NELL2: variants seen among roughly 807,000 people sequenced by gnomAD.
The protein encoded by NELL2 is protein kinase C-binding protein NELL2.
Under a neutral mutation model 109.6 loss-of-function variants are expected in NELL2, and 41 were observed. The ratio of observed to expected loss-of-function variants is 0.37; its 90% confidence interval spans 0.29 to 0.49. The LOEUF is 0.49. NELL2 is among the 20% of genes least tolerant of loss of function. The pLI, the probability that NELL2 is intolerant of heterozygous loss-of-function variation, is 0.98. For synonymous variants in NELL2, 355 were observed against 344.7 expected (o/e 1.03, Z -0.33); for missense variants, 900 against 1,008.3 (o/e 0.89, Z 1.45).
intron 15 of NELL2, among the ~76,000 whole-genome samples, chr12:44,577,481 T>G (rs1024561753): frequency 6.0e-5 from 8 of 133,898 alleles, no homozygotes; most frequent in Admixed American, 2.9e-4. Flanking sequence ...TTTTTTTTTT[T>G]TTTTTTTTTT....
chr12:44,709,792 T>G (rs1938095897), intron 11 of NELL2, among the ~76,000 whole-genome samples: 1 of 152,166 alleles, frequency 6.6e-6, no homozygotes, highest in Non-Finnish European at 1.5e-5. Flanking sequence ...TAAGAAACAC[T>G]GATATGGCCT....
chr12:44,599,964 T>G (rs1242199758), intron 15 of NELL2, among the ~76,000 whole-genome samples: 1 of 144,178 alleles, frequency 6.9e-6, no homozygotes, highest in African/African-American at 2.6e-5. Flanking sequence ...AATTCCGTTT[T>G]TTTTTTTTTT....
chr12:44,798,864 A>G (rs1022297968), intron 3 of NELL2, among the ~76,000 whole-genome samples: 1 of 151,932 alleles, frequency 6.6e-6, no homozygotes, highest in Non-Finnish European at 1.5e-5. Context: ...ATGCATAGAG[A>G]AAAAAACAGC....
At chr12:44,657,668 C>A (rs1189717521) in intron 13 of NELL2, among the ~76,000 whole-genome samples, 1 of 152,096 alleles carries the variant, frequency 6.6e-6, no homozygotes, top group Non-Finnish European at 1.5e-5. Context: ...TGTGATGTTC[C>A]CCTCCCTGTG....
chr12:44,876,608 C>G (rs1478229528), upstream of NELL2: 2 of 1,550,046 alleles, frequency 1.3e-6, no homozygotes, highest in Admixed American at 2.0e-5. Flanking sequence ...TGCTCTCACC[C>G]CTCGATTTCG....
At chr12:44,832,248 T>G (rs1348192413) in intron 2 of NELL2, among the ~76,000 whole-genome samples, 2 of 152,156 alleles carry the variant, frequency 1.3e-5, no homozygotes, top group African/African-American at 2.4e-5. Context: ...TTCCCAAAGA[T>G]AAAAAGAAAT....
chr12:44,803,809 A>G (rs1187085155), intron 3 of NELL2, among the ~76,000 whole-genome samples: 1 of 151,998 alleles, frequency 6.6e-6, no homozygotes, highest in African/African-American at 2.4e-5. Context: ...TAACAAATAT[A>G]TTTCCAAAAT....
At chr12:44,545,448 CTG>C (rs2136155614) in intron 15 of NELL2, among the ~76,000 whole-genome samples, 1 of 152,024 alleles carries the variant, frequency 6.6e-6, no homozygotes, top group South Asian at 2.1e-4. Flanking sequence ...GTGCTAGACA[CTG>C]TGGAAATATA....
chr12:44,604,828 C>A (rs1945339187), intron 15 of NELL2, among the ~76,000 whole-genome samples: 1 of 152,200 alleles, frequency 6.6e-6, no homozygotes, highest in South Asian at 2.1e-4. Context: ...CTCTGTTATT[C>A]TGTGGATACT....
rs141580139 is a variant in NELL2 at position 44,562,011 on chromosome 12, C to T, written c.1664-29290G>A. On this transcript the variant is annotated intron_variant, in intron 15 of 19. Transcript: ENST00000429094. Reference sequence around the variant, plus strand: ...AACAGAACAGAGGCCTCAGAAATAACGTCACATATCTGTCAACATTCATTG... The same window carrying T: ...AACAGAACAGAGGCCTCAGAAATAATGTCACATATCTGTCAACATTCATTG... Among the ~76,000 whole-genome samples, 1,182 of 152,094 alleles carry T rather than the reference C, an allele frequency of 7.8e-3. 27 individuals carry two copies. Among genetic ancestry groups the T allele is most frequent in the Admixed American group, 0.057 (870 of 15,254 alleles).
chr12:44,866,680 A>T (rs1310988716), intron 2 of NELL2, among the ~76,000 whole-genome samples: 1 of 152,138 alleles, frequency 6.6e-6, no homozygotes, highest in Non-Finnish European at 1.5e-5. Flanking sequence ...AAATAAATGA[A>T]ACAGAGAGTT....
At chr12:44,867,294 G>GATTT (rs1295439777) in intron 2 of NELL2, among the ~76,000 whole-genome samples, 2 of 152,130 alleles carry the variant, frequency 1.3e-5, no homozygotes, top group Admixed American at 6.5e-5. Flanking sequence ...GATCAAGTAG[G>GATTT]ATTTATCCCA....
chr12:44,831,573 C>A (rs1429686663), intron 2 of NELL2, among the ~76,000 whole-genome samples: 1 of 152,166 alleles, frequency 6.6e-6, no homozygotes, highest in East Asian at 1.9e-4. Context: ...TCAGGGCACA[C>A]ATGGTTTCCC....
intron 15 of NELL2, among the ~76,000 whole-genome samples, chr12:44,576,751 T>C (rs1242075616): frequency 1.3e-5 from 2 of 152,128 alleles, no homozygotes. Context: ...TGTGTCCATG[T>C]GACCTCATTG....
chr12:44,823,314 A>G (rs1283898823), intron 2 of NELL2, among the ~76,000 whole-genome samples: 1 of 152,138 alleles, frequency 6.6e-6, no homozygotes, highest in Non-Finnish European at 1.5e-5. Flanking sequence ...AACTATAGTC[A>G]CCACACACTG....
intron 7 of NELL2, 58 bp downstream of exon 7, chr12:44,776,984 G>C (rs1592511438): frequency 7.1e-7 from 1 of 1,404,040 alleles, no homozygotes; most frequent in East Asian, 2.3e-5. Flanking sequence ...ATAAATGGAA[G>C]TATTGGGAAC....
intron 16 of NELL2, among the ~76,000 whole-genome samples, chr12:44,527,254 T>A (rs1356586650): frequency 2.6e-5 from 4 of 152,142 alleles, no homozygotes; most frequent in Non-Finnish European, 4.4e-5. Flanking sequence ...TTCACCAAAC[T>A]TAAAGATTGT....
At chr12:44,734,599 T>C (rs73285428) in intron 9 of NELL2, among the ~76,000 whole-genome samples, 11,405 of 151,912 alleles carry the variant, frequency 0.075, 1,392 homozygotes, top group African/African-American at 0.26. Flanking sequence ...AATTTTCCCC[T>C]ACACTCAGTA....
At chr12:44,906,905 C>T (rs557485070) in intron 1 of NELL2, among the ~76,000 whole-genome samples, 19 of 152,144 alleles carry the variant, frequency 1.2e-4, no homozygotes, top group Non-Finnish European at 2.8e-4. Flanking sequence ...ATATAGTTTG[C>T]CTGTGTTCCC....
Sources: gnomAD v4.1 joint callset for allele counts (sites outside exome capture counted in the v4.1 genomes callset) on GRCh38, gnomAD v4.1.1 for gene constraint, MANE v1.5 for transcripts, NCBI Gene and HGNC (gene_info 2026-07-23, HGNC 2026-07-21) for gene names.